PEBP4: variants seen among roughly 807,000 people sequenced by gnomAD.
PEBP4 encodes the protein phosphatidylethanolamine-binding protein 4.
In PEBP4, 22 loss-of-function variants were observed where a neutral mutation model predicts 23.9. That is an observed-to-expected ratio of 0.92 (90% CI 0.66 to 1.31). PEBP4 has a LOEUF of 1.31. Ranked by LOEUF, PEBP4 falls within the 40% of genes most tolerant of loss-of-function variation. The pLI is 0.00. For missense variants in PEBP4, 324 were observed against 281.7 expected, an observed-to-expected ratio of 1.15 and a Z score of -1.07; for synonymous variants, 112 against 99.3, an observed-to-expected ratio of 1.13 and a Z score of -0.76.
intron 4 of PEBP4, among the ~76,000 whole-genome samples, chr8:22,813,597 T>A (rs1806677857): frequency 6.6e-6 from 1 of 152,218 alleles, no homozygotes; most frequent in Non-Finnish European, 1.5e-5. Flanking sequence ...TTAATTGATA[T>A]CCTAATGAGC....
At chr8:22,863,099 C>T (rs1254883115) in intron 3 of PEBP4, among the ~76,000 whole-genome samples, 11 of 152,200 alleles carry the variant, frequency 7.2e-5, no homozygotes, top group African/African-American at 4.8e-5. Flanking sequence ...TTTATTGTCA[C>T]GACAGACTGG....
At position 22,801,825 on chromosome 8, in the gene PEBP4, T is replaced by C. The variant is rs577308198; in HGVS notation, c.357+15812A>G. Among the ~76,000 whole-genome samples, 9 of 152,088 alleles carry C rather than the reference T, an allele frequency of 5.9e-5. No individual in the cohort carries two copies. In the East Asian group the frequency reaches 1.7e-3, roughly 29 times the overall value. ...AAACTCCGCTCTCCCTCCTACCCTA[T>C]ATGTGCAATCTTGTGAAAACTCCAC... is the stretch of plus-strand genomic sequence containing the variant. On this transcript the variant is annotated intron_variant, in intron 4 of 6. Transcript: ENST00000256404.
intron 3 of PEBP4, among the ~76,000 whole-genome samples, chr8:22,907,460 C>T (rs567363676): frequency 1.4e-3 from 210 of 152,028 alleles, no homozygotes; most frequent in African/African-American, 4.8e-3. Flanking sequence ...TGCAGTGAGT[C>T]GAGATCGTGC....
chr8:22,928,211 T>A (rs1809394027), upstream of PEBP4, among the ~76,000 whole-genome samples: 1 of 152,212 alleles, frequency 6.6e-6, no homozygotes. Context: ...GCTCTGACTC[T>A]CCTGGCCCCC....
chr8:22,897,047 A>T (rs184638276), intron 3 of PEBP4, among the ~76,000 whole-genome samples: 1 of 151,040 alleles, frequency 6.6e-6, no homozygotes, highest in Non-Finnish European at 1.5e-5. Flanking sequence ...GTGTGTGTGT[A>T]TGTATATATA....
At chr8:22,755,326 CTTTTTTTTTT>C (rs547269095) in intron 4 of PEBP4, among the ~76,000 whole-genome samples, 16,723 of 114,698 alleles carry the variant, frequency 0.15, 1,204 homozygotes, top group Middle Eastern at 0.2. Flanking sequence ...TTCTCTCCCT[CTTTTTTTTTT>C]TTTTTTTTTT....
Position 22,718,450 on chromosome 8 carries a change from A to T in PEBP4, c.518-4914T>A, listed in dbSNP as rs527390453. On this transcript the variant is annotated intron_variant, in intron 6 of 6. Transcript: ENST00000256404. ...GTGGTTTCTTCACGATGTGTTCAAC[A>T]TTGCTTGGGATGGCTGATGTTCGGC... 7.9e-5 allele frequency among the ~76,000 whole-genome samples: 12 copies of T among 152,330 alleles called. 1 individual carries two copies. Among genetic ancestry groups the T allele is most frequent in the African/African-American group, 2.6e-4 (11 of 41,574 alleles).
intron 3 of PEBP4, among the ~76,000 whole-genome samples, chr8:22,914,195 C>T (rs1208046988): frequency 6.6e-6 from 1 of 152,044 alleles, no homozygotes; most frequent in African/African-American, 2.4e-5. Context: ...ACCATGTTTG[C>T]CAGGCTGATC....
chr8:22,902,488 T>G (rs936677488), intron 3 of PEBP4, among the ~76,000 whole-genome samples: 1 of 152,056 alleles, frequency 6.6e-6, no homozygotes, highest in East Asian at 1.9e-4. Flanking sequence ...CATGAGACCT[T>G]GGTGAGGATA....
intron 3 of PEBP4, among the ~76,000 whole-genome samples, chr8:22,845,568 G>A (rs1421031725): frequency 6.6e-6 from 1 of 152,108 alleles, no homozygotes; most frequent in Non-Finnish European, 1.5e-5. Flanking sequence ...GATGTTCTAG[G>A]GAAGCTTCAG....
At chr8:22,889,112 A>G (rs1384220102) in intron 3 of PEBP4, among the ~76,000 whole-genome samples, 4 of 152,192 alleles carry the variant, frequency 2.6e-5, no homozygotes, top group African/African-American at 9.7e-5. Flanking sequence ...CACAATCTTC[A>G]AACCTCGAAA....
intron 4 of PEBP4, among the ~76,000 whole-genome samples, chr8:22,762,119 C>CA (rs1190031969): frequency 1.2e-4 from 18 of 151,200 alleles, no homozygotes; most frequent in South Asian, 2.1e-4. Context: ...TTTAAATCGG[C>CA]AAAAAAATGG....
intron 4 of PEBP4, chr8:22,744,504 T>C (rs56329286): frequency 0.16 from 24,442 of 152,248 alleles, 2,598 homozygotes; most frequent in South Asian, 0.24. Context: ...CTGCCGAAAA[T>C]TGGGGTCAGT....
At chr8:22,919,312 C>A (rs1278949114) in intron 3 of PEBP4, among the ~76,000 whole-genome samples, 6 of 152,186 alleles carry the variant, frequency 3.9e-5, no homozygotes, top group African/African-American at 2.4e-5. Context: ...CGGCCACGAC[C>A]CTTCCATCTC....
intron 3 of PEBP4, among the ~76,000 whole-genome samples, chr8:22,906,401 A>G (rs1254876658): frequency 1.3e-5 from 2 of 152,194 alleles, no homozygotes; most frequent in Non-Finnish European, 2.9e-5. Context: ...CTGAGCATCT[A>G]CTATCTGCAT....
chr8:22,818,885 T>A (rs549943852), intron 3 of PEBP4, among the ~76,000 whole-genome samples: 1 of 151,844 alleles, frequency 6.6e-6, no homozygotes, highest in East Asian at 1.9e-4. Context: ...AGGAGGGGGA[T>A]GGAGAAAGAG....
chr8:22,830,648 T>A (rs1807067450), intron 3 of PEBP4, among the ~76,000 whole-genome samples: 1 of 152,194 alleles, frequency 6.6e-6, no homozygotes, highest in Non-Finnish European at 1.5e-5. Flanking sequence ...TTTCCTATTT[T>A]GCATCTGGAA....
At chr8:22,742,969 G>T (rs186569923) in intron 4 of PEBP4, among the ~76,000 whole-genome samples, 1 of 152,210 alleles carries the variant, frequency 6.6e-6, no homozygotes, top group Non-Finnish European at 1.5e-5. Context: ...AGCCTTGGGG[G>T]AACAGGGAGG....
intron 1 of PEBP4, among the ~76,000 whole-genome samples, chr8:22,936,572 T>C (rs1809543403): frequency 6.6e-6 from 1 of 152,172 alleles, no homozygotes; most frequent in Non-Finnish European, 1.5e-5. Context: ...TTCCAAAACA[T>C]TGGAGAGAAT....
Sources: gnomAD v4.1 joint callset for allele counts (sites outside exome capture counted in the v4.1 genomes callset) on GRCh38, gnomAD v4.1.1 for gene constraint, MANE v1.5 for transcripts, NCBI Gene and HGNC (gene_info 2026-07-23, HGNC 2026-07-21) for gene names.